The following ATP8A2 variants were observed in gnomAD, a reference collection of about 807,000 sequenced individuals.
ATP8A2 encodes the protein phospholipid-transporting ATPase IB.
Under a neutral mutation model 165.6 loss-of-function variants are expected in ATP8A2, and 100 were observed. That is an observed-to-expected ratio of 0.60 (90% CI 0.51 to 0.71). ATP8A2 has a LOEUF of 0.71. Among genes scored for constraint, ATP8A2 ranks in the 30% least tolerant of loss-of-function variants. The pLI, the probability that ATP8A2 is intolerant of heterozygous loss-of-function variation, is 0.00. For missense variants in ATP8A2, 1,227 were observed against 1,479.5 expected (o/e 0.83, Z 2.80); for synonymous variants, 543 against 548.8 (o/e 0.99, Z 0.15).
At chr13:25,734,368 CA>C (rs918807356) in intron 25 of ATP8A2, among the ~76,000 whole-genome samples, 7 of 152,200 alleles carry the variant, frequency 4.6e-5, no homozygotes, top group Non-Finnish European at 1.0e-4. Flanking sequence ...TTACTTTTCC[CA>C]TCTTCAGTTT....
intron 1 of ATP8A2, among the ~76,000 whole-genome samples, chr13:25,458,313 A>G (rs985813731): frequency 6.6e-5 from 10 of 152,250 alleles, no homozygotes; most frequent in African/African-American, 2.4e-4. Flanking sequence ...TATTATAAAT[A>G]TCTCACACTT....
chr13:25,834,254 A>G (rs1380102603), intron 28 of ATP8A2, among the ~76,000 whole-genome samples: 1 of 152,208 alleles, frequency 6.6e-6, no homozygotes, highest in African/African-American at 2.4e-5. Flanking sequence ...TAAAAGACCA[A>G]TGTAACAACC....
At chr13:25,540,419 A>G (rs1164569401) in intron 8 of ATP8A2, 31 bp downstream of exon 8, 7 of 1,470,024 alleles carry the variant, frequency 4.8e-6, no homozygotes, top group African/African-American at 2.8e-5. Flanking sequence ...TTGTGTTGTT[A>G]TGGTAGACAC....
chr13:25,844,294 G>A (rs531460839), intron 30 of ATP8A2, among the ~76,000 whole-genome samples: 54 of 151,836 alleles, frequency 3.6e-4, no homozygotes, highest in Non-Finnish European at 6.6e-4. Flanking sequence ...GCAGGAGCAC[G>A]ATCTCGGCTC....
At chr13:25,871,417 C>T (rs750283169) in intron 33 of ATP8A2, among the ~76,000 whole-genome samples, 4 of 151,992 alleles carry the variant, frequency 2.6e-5, no homozygotes, top group Non-Finnish European at 5.9e-5. Context: ...ATCACAGTTC[C>T]CCCACCCAGA....
At chr13:25,970,503 G>C (rs1366740761) in intron 35 of ATP8A2, among the ~76,000 whole-genome samples, 1 of 152,250 alleles carries the variant, frequency 6.6e-6, no homozygotes, top group Non-Finnish European at 1.5e-5. Context: ...ACCCAGTTTG[G>C]AGGGCCACAT....
intron 1 of ATP8A2, among the ~76,000 whole-genome samples, chr13:25,383,309 T>A (rs2032923175): frequency 1.3e-5 from 2 of 152,164 alleles, no homozygotes; most frequent in African/African-American, 2.4e-5. Context: ...TTCACCATGT[T>A]GGCCAGGATG....
chr13:25,570,895 C>T lies in ATP8A2; in HGVS notation c.1579+23C>T, dbSNP rs748523274. The T allele has an allele frequency of 1.0e-5, 16 of 1,545,836 alleles. No homozygotes were observed. The South Asian group carries it at 1.7e-4, about 16-fold the overall frequency. On this transcript the variant is annotated intron_variant, in intron 17 of 36. Transcript: ENST00000381655. ...CAGGTGAGGGCTCTGGCCGGATGCG[C>T]CCTGCTGGCCCCTTCTCAGGACACC... is the stretch of plus-strand genomic sequence containing the variant.
intron 25 of ATP8A2, among the ~76,000 whole-genome samples, chr13:25,718,462 G>A (rs2138018175): frequency 6.6e-6 from 1 of 152,146 alleles, no homozygotes; most frequent in Non-Finnish European, 1.5e-5. Context: ...TTTTGGTTTG[G>A]GTTATGAGTG....
intron 25 of ATP8A2, among the ~76,000 whole-genome samples, chr13:25,745,183 T>G (rs1167458271): frequency 1.3e-5 from 2 of 152,142 alleles, no homozygotes; most frequent in Admixed American, 1.3e-4. Context: ...CCTCAAGTGA[T>G]CCACCCGCCT....
intron 2 of ATP8A2, among the ~76,000 whole-genome samples, chr13:25,510,746 C>G (rs2037200146): frequency 6.6e-6 from 1 of 152,112 alleles, no homozygotes; most frequent in Non-Finnish European, 1.5e-5. Context: ...TAGAAACAAA[C>G]TGGGTCTTTA....
At chr13:26,005,894 A>G (rs1956727681) in intron 35 of ATP8A2, among the ~76,000 whole-genome samples, 1 of 152,004 alleles carries the variant, frequency 6.6e-6, no homozygotes, top group Admixed American at 6.6e-5. Context: ...GTACCATGCT[A>G]TTTTTATTAC....
chr13:25,519,428 G>A (rs1184923170), intron 2 of ATP8A2, among the ~76,000 whole-genome samples: 14 of 151,892 alleles, frequency 9.2e-5, no homozygotes, highest in African/African-American at 2.4e-4. Flanking sequence ...GAGGGTGTGC[G>A]TTTTTGACCA....
chr13:25,802,266 G>A (rs1253038577), intron 27 of ATP8A2, among the ~76,000 whole-genome samples: 1 of 152,150 alleles, frequency 6.6e-6, no homozygotes, highest in Non-Finnish European at 1.5e-5. Context: ...TTAAGATTCA[G>A]TGATTGAGGC....
chr13:25,431,848 C>T (rs1169836996), intron 1 of ATP8A2, among the ~76,000 whole-genome samples: 2 of 152,120 alleles, frequency 1.3e-5, no homozygotes, highest in African/African-American at 4.8e-5. Flanking sequence ...AGAACATTTT[C>T]CTCACCCCTC....
chr13:25,888,557 T>A (rs1953245367), intron 33 of ATP8A2, among the ~76,000 whole-genome samples: 1 of 152,178 alleles, frequency 6.6e-6, no homozygotes, highest in African/African-American at 2.4e-5. Flanking sequence ...ACCCAGTTAG[T>A]ATATAGAAGT....
intron 1 of ATP8A2, among the ~76,000 whole-genome samples, chr13:25,465,755 CTCTCTCTT>C (rs74186599): frequency 0.095 from 1,122 of 11,856 alleles, 219 homozygotes; most frequent in African/African-American, 0.18. Context: ...CTCCCTCTCT[CTCTCTCTT>C]TCTCTCTTTC....
intron 2 of ATP8A2, among the ~76,000 whole-genome samples, chr13:25,481,968 A>T (rs762116108): frequency 7.9e-5 from 12 of 152,218 alleles, no homozygotes; most frequent in Non-Finnish European, 1.8e-4. Context: ...GGGCTTCAAC[A>T]TATGAATTTT....
At chr13:25,677,712 C>T (rs2137787750) in intron 24 of ATP8A2, among the ~76,000 whole-genome samples, 1 of 152,266 alleles carries the variant, frequency 6.6e-6, no homozygotes, top group Middle Eastern at 3.4e-3. Context: ...TTATAGTTTT[C>T]TATAGGGGAC....
Sources: allele counts gnomAD v4.1 joint callset (sites outside exome capture counted in the v4.1 genomes callset), GRCh38; gene constraint gnomAD v4.1.1; transcripts MANE v1.5; gene names NCBI Gene and HGNC (gene_info 2026-07-23, HGNC 2026-07-21).